Variants in GRID1 observed in about 807,000 individuals in gnomAD.
GRID1 encodes glutamate ionotropic receptor delta type subunit 1, also known as glutamate receptor ionotropic, delta-1.
A neutral mutation model predicts 98.0 loss-of-function variants in GRID1; 28 were observed. The observed-to-expected ratio is 0.29, with a 90% CI of 0.21 to 0.39. The LOEUF (loss-of-function observed/expected upper bound fraction) is 0.39, where lower values mean the gene tolerates loss of function less well. Among genes scored for constraint, GRID1 ranks in the 10% least tolerant of loss-of-function variants. The pLI, the probability that GRID1 is intolerant of heterozygous loss-of-function variation, is 1.00. For missense variants in GRID1, 1,111 were observed against 1,340.5 expected, an observed-to-expected ratio of 0.83 and a Z score of 2.67; for synonymous variants, 553 against 538.5, an observed-to-expected ratio of 1.03 and a Z score of -0.37.
At chr10:85,860,948 C>T (rs184654537) in intron 6 of GRID1, among the ~76,000 whole-genome samples, 44 of 152,240 alleles carry the variant, frequency 2.9e-4, no homozygotes, top group Admixed American at 1.9e-3. Flanking sequence ...ATGGTAATAC[C>T]CCTGTGTGCC....
chr10:85,763,662 G>A (rs898380601), intron 8 of GRID1, among the ~76,000 whole-genome samples: 1 of 152,212 alleles, frequency 6.6e-6, no homozygotes, highest in Non-Finnish European at 1.5e-5. Flanking sequence ...CTCACATGGT[G>A]ATGCAGGTAT....
intron 2 of GRID1, among the ~76,000 whole-genome samples, chr10:86,330,999 C>T (rs1238068411): frequency 2.6e-5 from 4 of 152,188 alleles, no homozygotes; most frequent in African/African-American, 7.2e-5. Context: ...GGGCAGGCTG[C>T]ATGCCCCAGG....
In GRID1 at chr10:86,018,743, C is replaced by T. The variant is rs145233757; in HGVS notation, c.727-102504G>A. 3.5e-3 allele frequency among the ~76,000 whole-genome samples: 526 copies of T among 152,318 alleles called. 5 individuals carry two copies. Among genetic ancestry groups the T allele is most frequent in the African/African-American group, 0.012 (499 of 41,568 alleles). ...TGGCCTGTGGTTGAGAGGATCAGCC[C>T]CGCCTTCCAGCTCCATCTCCCTGCC... On this transcript the variant is annotated intron_variant, in intron 4 of 15. Transcript: ENST00000327946.
At chr10:85,757,783 C>T (rs777273845) in intron 8 of GRID1, among the ~76,000 whole-genome samples, 1 of 152,234 alleles carries the variant, frequency 6.6e-6, no homozygotes, top group Non-Finnish European at 1.5e-5. Context: ...TTTTGCAACT[C>T]CAAGGTGGGG....
intron 13 of GRID1, among the ~76,000 whole-genome samples, chr10:85,623,408 C>T (rs1015678419): frequency 1.2e-4 from 19 of 152,176 alleles, no homozygotes; most frequent in African/African-American, 4.1e-4. Flanking sequence ...CATCCTGCCC[C>T]ACAAAAACTC....
intron 4 of GRID1, among the ~76,000 whole-genome samples, chr10:86,062,143 CTTT>C (rs1336438631): frequency 6.6e-6 from 1 of 152,266 alleles, no homozygotes; most frequent in East Asian, 1.9e-4. Context: ...GAGGGCAAAA[CTTT>C]GTTGTGCTTT....
chr10:86,072,276 G>C (rs1193910793), intron 4 of GRID1, among the ~76,000 whole-genome samples: 1 of 152,194 alleles, frequency 6.6e-6, no homozygotes, highest in African/African-American at 2.4e-5. Context: ...GCTCACACGA[G>C]GATGAAAATG....
At chr10:86,232,079 G>T (rs1846462651) in intron 2 of GRID1, among the ~76,000 whole-genome samples, 1 of 152,188 alleles carries the variant, frequency 6.6e-6, no homozygotes, top group Admixed American at 6.5e-5. Context: ...CAAGGGTAGA[G>T]AAGTGGGCCA....
chr10:86,045,102 CAA>C (rs1843403786), intron 4 of GRID1, among the ~76,000 whole-genome samples: 1 of 152,220 alleles, frequency 6.6e-6, no homozygotes, highest in Non-Finnish European at 1.5e-5. Context: ...CAAGTGTTGT[CAA>C]GAGTCAATAC....
chr10:86,125,573 A>T (rs575164576), intron 4 of GRID1, among the ~76,000 whole-genome samples: 1 of 152,362 alleles, frequency 6.6e-6, no homozygotes, highest in Non-Finnish European at 1.5e-5. Context: ...TGGCAACTAC[A>T]GTTGACTCTT....
At chr10:85,883,708 T>C (rs554707289) in intron 5 of GRID1, among the ~76,000 whole-genome samples, 1 of 152,302 alleles carries the variant, frequency 6.6e-6, no homozygotes, top group African/African-American at 2.4e-5. Context: ...GCACTAGTTA[T>C]CTATAACCAC....
chr10:86,140,431 G>A (rs1231451932), intron 3 of GRID1, among the ~76,000 whole-genome samples: 1 of 152,214 alleles, frequency 6.6e-6, no homozygotes, highest in Non-Finnish European at 1.5e-5. Context: ...AAACTTTCTG[G>A]TATACACTCA....
intron 12 of GRID1, among the ~76,000 whole-genome samples, chr10:85,707,876 C>T (rs1841538491): frequency 6.6e-6 from 1 of 151,962 alleles, no homozygotes; most frequent in African/African-American, 2.4e-5. Context: ...AAAAACCAAA[C>T]ATCACATGTT....
intron 1 of GRID1, 67 bp from the exon 2 acceptor site, chr10:86,364,163 G>C: frequency 7.3e-7 from 1 of 1,377,112 alleles, no homozygotes; most frequent in South Asian, 1.2e-5. Context: ...CTTGGCCCGA[G>C]GGTCAAGGCA....
intron 3 of GRID1, among the ~76,000 whole-genome samples, chr10:86,170,425 G>C (rs1336832745): frequency 1.3e-5 from 2 of 152,246 alleles, no homozygotes; most frequent in Non-Finnish European, 2.9e-5. Flanking sequence ...AGGAGATAAT[G>C]GCCCTAGCAC....
At chr10:85,990,548 T>C (rs1842667623) in intron 4 of GRID1, among the ~76,000 whole-genome samples, 1 of 152,112 alleles carries the variant, frequency 6.6e-6, no homozygotes, top group South Asian at 2.1e-4. Flanking sequence ...GAGGTGCCCT[T>C]AAGAAAAACC....
intron 4 of GRID1, among the ~76,000 whole-genome samples, chr10:85,987,415 C>T (rs1842622409): frequency 8.8e-6 from 1 of 113,350 alleles, no homozygotes; most frequent in Non-Finnish European, 1.8e-5. Context: ...TTCCCCCCAA[C>T]CTAATTACCC....
At chr10:86,235,246 A>C (rs1377881586) in intron 2 of GRID1, among the ~76,000 whole-genome samples, 2 of 152,202 alleles carry the variant, frequency 1.3e-5, no homozygotes, top group African/African-American at 4.8e-5. Context: ...TGCAGAGGGC[A>C]GAGGTCTCTC....
intron 12 of GRID1, among the ~76,000 whole-genome samples, chr10:85,652,441 C>T (rs1409717040): frequency 6.6e-6 from 1 of 152,120 alleles, no homozygotes; most frequent in South Asian, 2.1e-4. Flanking sequence ...TAAGCATGGG[C>T]CTGATACATG....
Sources: allele counts gnomAD v4.1 joint callset (sites outside exome capture counted in the v4.1 genomes callset), GRCh38; gene constraint gnomAD v4.1.1; transcripts MANE v1.5; gene names NCBI Gene and HGNC (gene_info 2026-07-23, HGNC 2026-07-21).